TRPM3: variants seen among roughly 807,000 people sequenced by gnomAD.
TRPM3 encodes the protein long transient receptor potential channel 3.
TRPM3 carries 77 observed loss-of-function variants against 181.2 expected under a neutral mutation model. The observed-to-expected ratio is 0.42, with a 90% CI of 0.35 to 0.51. The LOEUF (loss-of-function observed/expected upper bound fraction) is 0.51. TRPM3 is among the 20% of genes least tolerant of loss of function. The pLI, the probability that TRPM3 is intolerant of heterozygous loss-of-function variation, is 0.01. For missense variants in TRPM3, 1,759 were observed against 2,196.7 expected, an observed-to-expected ratio of 0.80 and a Z score of 3.98; for synonymous variants, 745 against 796.4, an observed-to-expected ratio of 0.94 and a Z score of 1.09.
At chr9:71,355,736 A>G (rs780089855) in intron 1 of TRPM3, among the ~76,000 whole-genome samples, 10 of 152,062 alleles carry the variant, frequency 6.6e-5, no homozygotes, top group Non-Finnish European at 1.0e-4. Flanking sequence ...GTCTCTAACA[A>G]CCCGCCATGG....
chr9:71,032,077 TTATA>T (rs1174417443), intron 1 of TRPM3, among the ~76,000 whole-genome samples: 4 of 9,698 alleles, frequency 4.1e-4, no homozygotes, highest in African/African-American at 2.3e-3. Flanking sequence ...TTATATTATA[TTATA>T]TATATATAAT....
chr9:70,681,550 CCTT>C lies in TRPM3; in HGVS notation c.1298_1300del (p.Glu433del). The C allele has an allele frequency of 6.2e-7, 1 of 1,613,736 alleles. No individual in the cohort carries two copies. Among genetic ancestry groups the C allele is most frequent in the Non-Finnish European group, 8.5e-7 (1 of 1,179,802 alleles). On this transcript the variant is annotated inframe_deletion, in exon 9 of 26. Coordinates refer to ENST00000677713, the MANE Select transcript of TRPM3 (RefSeq NM_001366145.2). ...GATAGCCAAATCAATGTCCTGGTGT[CCTT>C]CTGATCCCATCCGAAATACCGTAAT... is the stretch of plus-strand genomic sequence containing the variant.
intron 1 of TRPM3, among the ~76,000 whole-genome samples, chr9:70,898,391 A>G (rs911856180): frequency 1.3e-5 from 2 of 150,906 alleles, no homozygotes; most frequent in African/African-American, 2.4e-5. Flanking sequence ...CAAAGTGCTG[A>G]GATTACAGGC....
intron 1 of TRPM3, among the ~76,000 whole-genome samples, chr9:70,920,448 C>T (rs1159911410): frequency 6.6e-6 from 1 of 152,052 alleles, no homozygotes; most frequent in Non-Finnish European, 1.5e-5. Context: ...AATGACAGAC[C>T]ATTTTAAAAT....
In TRPM3 at chr9:70,761,393, C is replaced by G. The variant is rs76909402; in HGVS notation, c.1272+208G>C. The G allele has an allele frequency of 1.4e-3, 1,005 of 706,782 alleles. 9 individuals are homozygous for G. The African/African-American group carries it at 0.016, about 11-fold the overall frequency. 43.8% of individuals were successfully genotyped at this position (706,782 alleles called of 1,614,324 possible). ...TCCAAAAGGAAATGATGCTAAAACT[C>G]TGCTGCACACACCTTATTAACTCGA... On this transcript the variant is annotated intron_variant, in intron 8 of 25. Transcript: ENST00000677713.
chr9:70,972,410 A>C (rs2097256559), intron 1 of TRPM3, among the ~76,000 whole-genome samples: 1 of 152,182 alleles, frequency 6.6e-6, no homozygotes, highest in African/African-American at 2.4e-5. Flanking sequence ...ACTTACATTA[A>C]ATGTTCACAA....
Position 71,379,676 on chromosome 9 carries a change from AT to A in TRPM3, c.183+66976del, listed in dbSNP as rs899480147. 2.0e-5 allele frequency among the ~76,000 whole-genome samples: 3 copies of A among 148,522 alleles called. No homozygotes were observed. In the East Asian group the frequency reaches 6.0e-4, roughly 30 times the overall value. ...CAGCTGGGAATTGCTGGTATACAGA[AT>A]TTTTTTTCTTTCCCAGAATCTTTTT... On this transcript the variant is annotated intron_variant, in intron 1 of 24. Transcript: ENST00000357533.
intron 18 of TRPM3, 24 bp downstream of exon 18, chr9:70,615,884 A>T: frequency 6.3e-7 from 1 of 1,586,204 alleles, no homozygotes; most frequent in Non-Finnish European, 8.5e-7. Flanking sequence ...GCCCATAGAG[A>T]ATAACTGTGC....
chr9:70,808,494 G>A (rs963522466), intron 6 of TRPM3, among the ~76,000 whole-genome samples: 6 of 152,130 alleles, frequency 3.9e-5, no homozygotes, highest in African/African-American at 1.4e-4. Flanking sequence ...AACCAGTTTC[G>A]CTAAAATTTG....
At chr9:71,431,837 TTC>T (rs2093958554) in intron 1 of TRPM3, among the ~76,000 whole-genome samples, 8 of 152,200 alleles carry the variant, frequency 5.3e-5, no homozygotes. Flanking sequence ...ATGCTCATTT[TTC>T]TCTCTTACTT....
intron 6 of TRPM3, among the ~76,000 whole-genome samples, chr9:70,817,769 C>A (rs62547568): frequency 0.029 from 4,370 of 152,166 alleles, 90 homozygotes; most frequent in Middle Eastern, 0.058. Flanking sequence ...CCAGTCTTGG[C>A]CTCTCTTTAT....
intron 1 of TRPM3, among the ~76,000 whole-genome samples, chr9:71,050,535 T>C (rs981552040): frequency 5.3e-5 from 8 of 152,202 alleles, no homozygotes; most frequent in African/African-American, 1.9e-4. Flanking sequence ...AATTATCTAA[T>C]AAGAAAAATT....
chr9:70,602,669 T>G (rs1474482326), intron 20 of TRPM3, among the ~76,000 whole-genome samples: 1 of 152,214 alleles, frequency 6.6e-6, no homozygotes, highest in East Asian at 1.9e-4. Context: ...TTAATCACAT[T>G]CTTTTTAGCA....
chr9:71,111,398 G>T (rs1046010214), intron 1 of TRPM3, among the ~76,000 whole-genome samples: 1 of 152,140 alleles, frequency 6.6e-6, no homozygotes, highest in Non-Finnish European at 1.5e-5. Flanking sequence ...CCAACTGGGG[G>T]TGATTTTTCC....
intron 1 of TRPM3, among the ~76,000 whole-genome samples, chr9:71,151,895 T>C (rs2075754274): frequency 6.6e-6 from 1 of 152,132 alleles, no homozygotes; most frequent in Non-Finnish European, 1.5e-5. Context: ...TGAGCTCTCA[T>C]GTGAAGGTTC....
intron 1 of TRPM3, among the ~76,000 whole-genome samples, chr9:70,891,721 A>G (rs746947778): frequency 9.9e-5 from 15 of 152,158 alleles, no homozygotes; most frequent in Non-Finnish European, 1.8e-4. Context: ...TAAAATGAAC[A>G]TGTATTATGT....
Position 70,931,038 on chromosome 9 carries a change from CTTTT to C in TRPM3, c.178-66531_178-66528del, listed in dbSNP as rs1038262671. On this transcript the variant is annotated intron_variant, in intron 1 of 25. Transcript: ENST00000677713. Reference sequence around the variant, plus strand: ...ATATTTATTTTTCTCTAAAGAGTGGCTTTTTTTGTTTGTTTTGAAAAGTGAAAAG... The same window carrying C: ...ATATTTATTTTTCTCTAAAGAGTGGCTTTGTTTGTTTTGAAAAGTGAAAAG... Among the ~76,000 whole-genome samples the C allele has an allele frequency of 2.6e-5, 4 of 151,976 alleles. No individual in the cohort carries two copies. In the East Asian group the frequency reaches 5.8e-4, roughly 22 times the overall value.
intron 1 of TRPM3, among the ~76,000 whole-genome samples, chr9:71,100,000 A>G (rs1375354494): frequency 2.0e-5 from 3 of 152,136 alleles, no homozygotes; most frequent in African/African-American, 7.2e-5. Context: ...TATTTTTACA[A>G]TGAAAGAAGT....
chr9:70,881,929 A>G (rs1452332766), intron 1 of TRPM3, among the ~76,000 whole-genome samples: 1 of 152,136 alleles, frequency 6.6e-6, no homozygotes, highest in East Asian at 1.9e-4. Context: ...TGGCATTTAG[A>G]GGGGCTCAGT....
Sources: allele counts gnomAD v4.1 joint callset (sites outside exome capture counted in the v4.1 genomes callset), GRCh38; gene constraint gnomAD v4.1.1; transcripts MANE v1.5; gene names NCBI Gene and HGNC (gene_info 2026-07-23, HGNC 2026-07-21).